The following OCA2 variants were observed in gnomAD, a reference collection of about 807,000 sequenced individuals.
The protein encoded by OCA2 is P protein.
OCA2 carries 77 observed loss-of-function variants against 100.2 expected under a neutral mutation model. That is an observed-to-expected ratio of 0.77 (90% CI 0.64 to 0.93). The LOEUF (loss-of-function observed/expected upper bound fraction) is 0.93. Ranked by LOEUF, OCA2 falls within the 40% of genes least tolerant of loss-of-function variation. OCA2 has a pLI of 0.00. For missense variants in OCA2, 1,062 were observed against 1,089.1 expected (o/e 0.98, Z 0.35); for synonymous variants, 432 against 439.2 (o/e 0.98, Z 0.21).
At chr15:28,057,415 T>C (rs2043735959) in intron 2 of OCA2, among the ~76,000 whole-genome samples, 3 of 152,126 alleles carry the variant, frequency 2.0e-5, no homozygotes, top group Admixed American at 2.0e-4. Context: ...GGGCCTGCAC[T>C]GTGAGAAGCC....
intron 18 of OCA2, among the ~76,000 whole-genome samples, chr15:27,933,706 CAGA>C (rs1211820530): frequency 4.6e-5 from 7 of 152,242 alleles, no homozygotes; most frequent in South Asian, 2.1e-4. Flanking sequence ...ACTCATTGTC[CAGA>C]AGAAGAATGT....
At chr15:27,882,857 G>A (rs571765206) in intron 19 of OCA2, among the ~76,000 whole-genome samples, 1 of 152,304 alleles carries the variant, frequency 6.6e-6, no homozygotes, top group African/African-American at 2.4e-5. Context: ...TCAAATCTCA[G>A]TTCGGTTCTC....
At chr15:27,758,906 G>T (rs1165518598) in intron 23 of OCA2, among the ~76,000 whole-genome samples, 1 of 152,044 alleles carries the variant, frequency 6.6e-6, no homozygotes, top group Non-Finnish European at 1.5e-5. Flanking sequence ...AGTATTCAAA[G>T]AAATAATGAT....
chr15:27,827,245 C>T (rs1183640943), intron 23 of OCA2, among the ~76,000 whole-genome samples: 1 of 152,158 alleles, frequency 6.6e-6, no homozygotes, highest in Non-Finnish European at 1.5e-5. Flanking sequence ...AGGAGTCACA[C>T]AACGCGAGAG....
At position 27,951,791 on chromosome 15, in the gene OCA2, A is replaced by C; in HGVS notation, c.1944T>G (p.Leu648=). The change falls in exon 18 of 24, where the codon CTT becomes CTG. Residue 648 remains leucine (L), a synonymous_variant. Transcript: ENST00000354638. ...AAGCTAAATTAGACTCACCAAGATC[A>C]AGATGAATGCCAGGGACAAACGAAT... ...FLNSFVPGIH[L]DLGWIAILGA... 1 of 1,605,616 alleles carries C rather than the reference A, an allele frequency of 6.2e-7. No individual in the cohort carries two copies. Among genetic ancestry groups the C allele is most frequent in the Non-Finnish European group, 8.5e-7 (1 of 1,172,192 alleles).
At chr15:27,871,342 C>T (rs1024161510) in intron 20 of OCA2, 84 bp from the exon 21 acceptor site, 5 of 1,008,462 alleles carry the variant, frequency 5.0e-6, no homozygotes, top group East Asian at 4.9e-5. Flanking sequence ...CAGAGGGGCC[C>T]GAGGGTGTTA....
At chr15:27,833,623 T>C (rs959935861) in intron 23 of OCA2, among the ~76,000 whole-genome samples, 1 of 152,174 alleles carries the variant, frequency 6.6e-6, no homozygotes, top group Non-Finnish European at 1.5e-5. Flanking sequence ...AAATTAATAA[T>C]ATACCAAAAA....
At chr15:27,883,427 C>T (rs2037101543) in intron 19 of OCA2, among the ~76,000 whole-genome samples, 1 of 152,182 alleles carries the variant, frequency 6.6e-6, no homozygotes. Context: ...CATTCTCTCT[C>T]ATTATGACAC....
intron 14 of OCA2, among the ~76,000 whole-genome samples, chr15:27,980,048 T>G (rs539736894): frequency 6.6e-6 from 1 of 151,546 alleles, no homozygotes; most frequent in South Asian, 2.1e-4. Flanking sequence ...CTTCCAGGCT[T>G]TATTTTATTG....
At chr15:27,882,047 T>C (rs2037040977) in intron 19 of OCA2, among the ~76,000 whole-genome samples, 1 of 152,226 alleles carries the variant, frequency 6.6e-6, no homozygotes, top group African/African-American at 2.4e-5. Context: ...TTTAGCTGCA[T>C]CCCAGAGGTT....
downstream of OCA2, among the ~76,000 whole-genome samples, chr15:27,751,840 C>A (rs1021315827): frequency 6.6e-6 from 1 of 152,226 alleles, no homozygotes; most frequent in Non-Finnish European, 1.5e-5. Context: ...CAGCTCCAGG[C>A]TGCCACTGGG....
chr15:28,070,407 A>T (rs1425566655), intron 2 of OCA2, among the ~76,000 whole-genome samples: 6 of 111,678 alleles, frequency 5.4e-5, no homozygotes, highest in East Asian at 3.2e-4. Flanking sequence ...GGAGCCCCTC[A>T]GCCCGGCCAG....
chr15:27,989,747 T>C, intron 10 of OCA2, 81 bp from the exon 11 acceptor site: 2 of 1,286,734 alleles, frequency 1.6e-6, no homozygotes, highest in South Asian at 2.5e-5. Flanking sequence ...TGCCCCCTGC[T>C]GCAGACCCAC....
intron 23 of OCA2, among the ~76,000 whole-genome samples, chr15:27,829,760 T>C (rs1336554592): frequency 6.6e-6 from 1 of 152,238 alleles, no homozygotes; most frequent in East Asian, 1.9e-4. Context: ...AACTTGCCTG[T>C]CACATCCTTA....
chr15:28,094,691 C>T (rs1182483901), intron 1 of OCA2, among the ~76,000 whole-genome samples: 1 of 152,246 alleles, frequency 6.6e-6, no homozygotes, highest in African/African-American at 2.4e-5. Context: ...TGCAACCGTG[C>T]CCCCGAACTC....
intron 23 of OCA2, among the ~76,000 whole-genome samples, chr15:27,792,280 T>G (rs537174782): frequency 6.6e-6 from 1 of 152,320 alleles, no homozygotes; most frequent in South Asian, 2.1e-4. Context: ...CTTCTTGCTT[T>G]CTTTTTTCAT....
chr15:27,951,824 A>G lies in OCA2; in HGVS notation c.1911T>C (p.Phe637=), dbSNP rs1461646583. 1 of 1,614,022 alleles carries G rather than the reference A, an allele frequency of 6.2e-7. No homozygotes were observed. Among genetic ancestry groups the G allele is most frequent in the Non-Finnish European group, 8.5e-7 (1 of 1,179,876 alleles). ...LTVLGFVIFM[F]FLNSFVPGIH... ...TGCCAGGGACAAACGAATTGAGGAA[A>G]AACATGAAGATAACAAATCCCAACA... Residue 637 remains phenylalanine (F), a synonymous_variant, in exon 18 of 24, where the codon TTT becomes TTC. Coordinates refer to ENST00000354638, the MANE Select transcript of OCA2 (RefSeq NM_000275.3).
Position 27,983,484 on chromosome 15 carries a change from C to T in OCA2, c.1365-1G>A, listed in dbSNP as rs2140965742. 1.2e-5 allele frequency: 19 copies of T among 1,614,168 alleles called. No homozygotes were observed. The highest frequency in any genetic ancestry group is 1.6e-5 in the Non-Finnish European group (19 of 1,180,014). ...ATCAAGGTTGAGCACCTCACACAACCTGTCACAAATGGAGGAAAATGAAAG... is the reference window on the plus strand; with the variant it reads ...ATCAAGGTTGAGCACCTCACACAACTTGTCACAAATGGAGGAAAATGAAAG... On this transcript the variant is annotated splice_acceptor_variant, in intron 13 of 23. Coordinates refer to ENST00000354638, the MANE Select transcript of OCA2 (RefSeq NM_000275.3). LOFTEE classifies it high-confidence loss of function.
chr15:27,738,330 A>G, the OCA2 span, among the ~76,000 whole-genome samples: 1 of 152,322 alleles, frequency 6.6e-6, no homozygotes, highest in East Asian at 1.9e-4. Context: ...AAGGATCAAA[A>G]TGAGCAAACT....
Sources: allele counts gnomAD v4.1 joint callset (sites outside exome capture counted in the v4.1 genomes callset), GRCh38; gene constraint gnomAD v4.1.1; transcripts MANE v1.5; gene names NCBI Gene and HGNC (gene_info 2026-07-23, HGNC 2026-07-21).